CNTNAP2: variants seen among roughly 807,000 people sequenced by gnomAD.
CNTNAP2 encodes the protein contactin-associated protein-like 2.
A neutral mutation model predicts 155.2 loss-of-function variants in CNTNAP2; 98 were observed. The ratio of observed to expected loss-of-function variants is 0.63; its 90% CI spans 0.54 to 0.75. CNTNAP2 has a LOEUF of 0.75. Among genes scored for constraint, CNTNAP2 ranks in the 30% least tolerant of loss-of-function variants. The pLI, the probability that CNTNAP2 is intolerant of heterozygous loss-of-function variation, is 0.00. For synonymous variants in CNTNAP2, 651 were observed against 631.2 expected (o/e 1.03, Z -0.47); for missense variants, 1,727 against 1,688.1 (o/e 1.02, Z -0.40).
At chr7:146,827,587 G>A (rs1380557542) in intron 2 of CNTNAP2, among the ~76,000 whole-genome samples, 1 of 151,670 alleles carries the variant, frequency 6.6e-6, no homozygotes, top group Admixed American at 6.6e-5. Context: ...ACTTAGCTAG[G>A]GAAGCCAAGA....
At chr7:148,054,560 C>A (rs540748163) in intron 15 of CNTNAP2, among the ~76,000 whole-genome samples, 24 of 149,188 alleles carry the variant, frequency 1.6e-4, no homozygotes, top group African/African-American at 5.9e-4. Flanking sequence ...AGAAGACATG[C>A]ACATAAGCTT....
chr7:147,271,252 G>A (rs1460576606), intron 8 of CNTNAP2, among the ~76,000 whole-genome samples: 1 of 149,678 alleles, frequency 6.7e-6, no homozygotes, highest in Non-Finnish European at 1.5e-5. Context: ...AGGAATAAGT[G>A]TAGTTTTTTC....
intron 12 of CNTNAP2, among the ~76,000 whole-genome samples, chr7:147,595,894 A>T (rs1290498756): frequency 6.6e-6 from 1 of 152,200 alleles, no homozygotes; most frequent in Admixed American, 6.5e-5. Flanking sequence ...GACCTCTAAA[A>T]GTTGGAGTTC....
chr7:146,871,870 A>G (rs1403971573), intron 3 of CNTNAP2, among the ~76,000 whole-genome samples: 2 of 152,012 alleles, frequency 1.3e-5, no homozygotes, highest in Non-Finnish European at 2.9e-5. Context: ...AACAAATTCA[A>G]AAAACACAGA....
At chr7:146,410,281 C>T (rs1795847787) in intron 1 of CNTNAP2, among the ~76,000 whole-genome samples, 1 of 152,102 alleles carries the variant, frequency 6.6e-6, no homozygotes, top group Non-Finnish European at 1.5e-5. Flanking sequence ...ATTGTGTACC[C>T]TTGTCTCTGG....
intron 14 of CNTNAP2, among the ~76,000 whole-genome samples, chr7:147,954,451 C>A (rs1800986538): frequency 6.6e-6 from 1 of 151,610 alleles, no homozygotes; most frequent in Non-Finnish European, 1.5e-5. Context: ...AAGAAGACAG[C>A]AAGCAGAAGA....
At chr7:147,592,643 T>G (rs1368044435) in intron 12 of CNTNAP2, among the ~76,000 whole-genome samples, 2 of 151,970 alleles carry the variant, frequency 1.3e-5, no homozygotes, top group African/African-American at 4.8e-5. Flanking sequence ...TTCTTTACAT[T>G]TCACTGTTTA....
intron 13 of CNTNAP2, among the ~76,000 whole-genome samples, chr7:147,765,642 A>G (rs1797371341): frequency 6.6e-6 from 1 of 152,134 alleles, no homozygotes; most frequent in Non-Finnish European, 1.5e-5. Context: ...GTAAAATGTT[A>G]TGAACACTTT....
At chr7:146,285,017 C>A (rs762780409) in intron 1 of CNTNAP2, among the ~76,000 whole-genome samples, 3 of 152,176 alleles carry the variant, frequency 2.0e-5, no homozygotes, top group Non-Finnish European at 4.4e-5. Flanking sequence ...TATACAGATT[C>A]TCTGCAACAC....
At chr7:147,715,069 A>G (rs1563062731) in intron 13 of CNTNAP2, among the ~76,000 whole-genome samples, 1 of 152,084 alleles carries the variant, frequency 6.6e-6, no homozygotes, top group Non-Finnish European at 1.5e-5. Flanking sequence ...AGTTTGATTA[A>G]TTGTTCACAC....
intron 13 of CNTNAP2, among the ~76,000 whole-genome samples, chr7:147,901,558 T>C (rs763600457): frequency 6.6e-6 from 1 of 152,230 alleles, no homozygotes; most frequent in Non-Finnish European, 1.5e-5. Context: ...CCTATACATA[T>C]TTTCCAAATA....
rs763147267 is a variant in CNTNAP2 at position 147,515,321 on chromosome 7, C to CTTTTTTTTTTTTTTTTTTTTTTT, written c.1777+29287_1777+29288insTTTTTTTTTTTTTTTTTTTTTTT. On this transcript the variant is annotated intron_variant, in intron 11 of 23. Transcript: ENST00000361727. Reference sequence around the variant, plus strand: ...ATTTTTCTTCATAGTTCATTATATTCTTTTTTTGTTTGTTTGTTTTGAGAC... The same window carrying CTTTTTTTTTTTTTTTTTTTTTTT: ...ATTTTTCTTCATAGTTCATTATATTCTTTTTTTTTTTTTTTTTTTTTTTTTTTTTTGTTTGTTTGTTTTGAGAC... Among the ~76,000 whole-genome samples the CTTTTTTTTTTTTTTTTTTTTTTT allele has an allele frequency of 4.8e-5, 6 of 126,166 alleles. 1 individual carries two copies. The highest frequency in any genetic ancestry group is 5.0e-5 in the Non-Finnish European group (3 of 60,500). 82.8% of individuals were successfully genotyped at this position (126,166 alleles called of 152,430 possible). A position where few individuals can be genotyped will look rare whatever the true frequency, so the allele number is the denominator to read the frequency against.
chr7:147,005,314 C>T (rs1053676823), intron 3 of CNTNAP2, among the ~76,000 whole-genome samples: 2 of 151,676 alleles, frequency 1.3e-5, no homozygotes, highest in Middle Eastern at 6.8e-3. Context: ...TAGGAGCAAC[C>T]CTTGTTATTT....
At chr7:147,498,611 CA>C (rs1798753900) in intron 11 of CNTNAP2, among the ~76,000 whole-genome samples, 1 of 152,152 alleles carries the variant, frequency 6.6e-6, no homozygotes, top group South Asian at 2.1e-4. Context: ...TATTAGTAAT[CA>C]AGAAAAATGT....
At chr7:148,161,065 C>T (rs1003463881) in intron 17 of CNTNAP2, among the ~76,000 whole-genome samples, 1 of 152,192 alleles carries the variant, frequency 6.6e-6, no homozygotes, top group African/African-American at 2.4e-5. Flanking sequence ...CATTCAGCCC[C>T]TCCAAGGATA....
rs576061238 is a variant in CNTNAP2 at position 146,155,480 on chromosome 7, A to G, written c.97+38507A>G. Among the ~76,000 whole-genome samples, 6 of 152,202 alleles carry G rather than the reference A, an allele frequency of 3.9e-5. No homozygotes were observed. The East Asian group carries it at 1.2e-3, about 29-fold the overall frequency. On this transcript the variant is annotated intron_variant, in intron 1 of 23. Transcript: ENST00000361727. ...ATGTGTCCCGGCCAGTCATGATAAC[A>G]TATACTTGTTCAATTGATAAAAACT...
intron 13 of CNTNAP2, among the ~76,000 whole-genome samples, chr7:147,874,232 G>A (rs763265726): frequency 6.6e-6 from 1 of 152,196 alleles, no homozygotes; most frequent in African/African-American, 2.4e-5. Flanking sequence ...AACTCTGTGT[G>A]GGGGGTTCCA....
intron 18 of CNTNAP2, among the ~76,000 whole-genome samples, chr7:148,192,202 C>T (rs748879215): frequency 2.0e-5 from 3 of 152,158 alleles, no homozygotes; most frequent in Non-Finnish European, 2.9e-5. Context: ...GAAGTCAGAG[C>T]TTCTAAGGTC....
chr7:146,685,439 T>C (rs1800579724), intron 1 of CNTNAP2, among the ~76,000 whole-genome samples: 2 of 152,184 alleles, frequency 1.3e-5, no homozygotes. Flanking sequence ...AGGGTTTTGG[T>C]TCATCTTTCA....
Sources: allele counts gnomAD v4.1 joint callset (sites outside exome capture counted in the v4.1 genomes callset), GRCh38; gene constraint gnomAD v4.1.1; transcripts MANE v1.5; gene names NCBI Gene and HGNC (gene_info 2026-07-23, HGNC 2026-07-21).